AFAP1: variants seen among roughly 807,000 people sequenced by gnomAD.
AFAP1 encodes the protein actin filament-associated protein 1.
AFAP1 carries 75 observed loss-of-function variants against 93.9 expected under a neutral mutation model. That is an observed-to-expected ratio of 0.80 (90% CI 0.66 to 0.97). The LOEUF is 0.97. AFAP1 is among the 50% of genes least tolerant of loss of function. The probability of loss-of-function intolerance (pLI) is 0.00; values close to 1 mark genes in which losing one functional copy is unlikely to be tolerated. For missense variants in AFAP1, 1,201 were observed against 1,050.8 expected, an observed-to-expected ratio of 1.14 and a Z score of -1.98; for synonymous variants, 517 against 430.7, an observed-to-expected ratio of 1.20 and a Z score of -2.48.
At chr4:7,843,718 G>A (rs1429884694) in intron 4 of AFAP1, 2 of 196,752 alleles carry the variant, frequency 1.0e-5, no homozygotes, top group Non-Finnish European at 2.1e-5. Context: ...GCCCATGGAG[G>A]TCCCTTGCCC....
At chr4:7,859,280 G>T (rs865951628) in intron 3 of AFAP1, among the ~76,000 whole-genome samples, 1 of 152,070 alleles carries the variant, frequency 6.6e-6, no homozygotes, top group Non-Finnish European at 1.5e-5. Flanking sequence ...TTAGCCGAGT[G>T]TGGTGGTGGG....
intron 17 of AFAP1, among the ~76,000 whole-genome samples, chr4:7,764,674 T>C (rs1577165892): frequency 6.6e-6 from 1 of 152,258 alleles, no homozygotes; most frequent in African/African-American, 2.4e-5. Context: ...TGGCTGCAGA[T>C]GGCTGTGGTC....
Position 7,794,362 on chromosome 4 carries a change from T to C in AFAP1, c.1267-536A>G, listed in dbSNP as rs546794914. 1.5e-4 allele frequency among the ~76,000 whole-genome samples: 23 copies of C among 152,372 alleles called. 1 individual carries two copies. Among genetic ancestry groups the C allele is most frequent in the South Asian group, 8.3e-4 (4 of 4,834 alleles). On this transcript the variant is annotated intron_variant, in intron 10 of 17. Coordinates refer to ENST00000420658, the MANE Select transcript of AFAP1 (RefSeq NM_001134647.2). ...AAAAAGTAATTTCCTTTGATATCAA[T>C]TGTGTTTCCACAGGGGAAATGACAC...
chr4:7,759,490 G>A lies in AFAP1; in HGVS notation c.*4275C>T, dbSNP rs1713478308. The A allele has an allele frequency of 1.3e-5, 2 of 152,658 alleles. No homozygotes were observed. Among genetic ancestry groups the A allele is most frequent in the Admixed American group, 6.5e-5 (1 of 15,284 alleles). The allele number at this position is 152,658 out of a possible 1,614,324, so 9.5% of individuals were successfully genotyped here. A position where few individuals can be genotyped will look rare whatever the true frequency, so the allele number is the denominator to read the frequency against. ...GTGCTGTGCCACGTATTTACGGCAG[G>A]AACGTTTTGGTTTCATTTTAGTTTA... On this transcript the variant is annotated 3_prime_UTR_variant, in exon 18 of 18. Transcript: ENST00000420658.
At chr4:7,840,778 T>A (rs911112611) in intron 5 of AFAP1, among the ~76,000 whole-genome samples, 1 of 152,182 alleles carries the variant, frequency 6.6e-6, no homozygotes, top group Non-Finnish European at 1.5e-5. Flanking sequence ...TGAGTATGTA[T>A]AAAAAGAAAG....
At chr4:7,918,804 T>C (rs545118195) in intron 1 of AFAP1, among the ~76,000 whole-genome samples, 52 of 45,560 alleles carry the variant, frequency 1.1e-3, no homozygotes, top group Admixed American at 2.5e-3. Context: ...AACAGGGCTG[T>C]TGGAAGAGAC....
chr4:7,876,796 CAA>C (rs1717539058), intron 1 of AFAP1, among the ~76,000 whole-genome samples: 1 of 152,154 alleles, frequency 6.6e-6, no homozygotes, highest in Non-Finnish European at 1.5e-5. Context: ...AAACTGTAAC[CAA>C]AAGATTCTCA....
chr4:7,764,806 C>A (rs1714325153), intron 17 of AFAP1, among the ~76,000 whole-genome samples: 1 of 152,088 alleles, frequency 6.6e-6, no homozygotes, highest in African/African-American at 2.4e-5. Flanking sequence ...ACCCCCACTT[C>A]ATAAGTGAAG....
intron 1 of AFAP1, among the ~76,000 whole-genome samples, chr4:7,904,817 G>A (rs567622004): frequency 2.0e-5 from 3 of 152,104 alleles, no homozygotes; most frequent in South Asian, 4.1e-4. Context: ...AGAGATTCTC[G>A]CACCTCAGCC....
At chr4:7,887,831 A>AT (rs34450871) in intron 1 of AFAP1, among the ~76,000 whole-genome samples, 16,995 of 148,444 alleles carry the variant, frequency 0.11, 1,092 homozygotes, top group Non-Finnish European at 0.16. Flanking sequence ...ATAAAGAACA[A>AT]TTTTTTTTTT....
At chr4:7,881,838 T>C (rs1027515893) in intron 1 of AFAP1, among the ~76,000 whole-genome samples, 1 of 151,808 alleles carries the variant, frequency 6.6e-6, no homozygotes, top group African/African-American at 2.4e-5. Context: ...TAAACCTGGA[T>C]CCACATCCCA....
intron 3 of AFAP1, among the ~76,000 whole-genome samples, chr4:7,856,002 C>T (rs937394627): frequency 1.3e-5 from 2 of 152,200 alleles, no homozygotes; most frequent in South Asian, 4.1e-4. Flanking sequence ...GACTCCATGG[C>T]CCTGCCACAG....
intron 1 of AFAP1, among the ~76,000 whole-genome samples, chr4:7,873,342 CTTTTTTTTT>C (rs1158765422): frequency 2.0e-5 from 1 of 50,998 alleles, no homozygotes; most frequent in Non-Finnish European, 3.5e-5. Context: ...GAAGACACAC[CTTTTTTTTT>C]TTTTTTTTTT....
At chr4:7,922,858 C>T (rs757065022) in intron 1 of AFAP1, among the ~76,000 whole-genome samples, 84 of 152,240 alleles carry the variant, frequency 5.5e-4, no homozygotes, top group Admixed American at 2.8e-3. Context: ...GGTAGCACAC[C>T]TGTAGTCCCA....
intron 3 of AFAP1, among the ~76,000 whole-genome samples, chr4:7,856,811 A>C (rs1246731357): frequency 6.6e-6 from 1 of 152,180 alleles, no homozygotes; most frequent in Non-Finnish European, 1.5e-5. Context: ...AGTGGCAGGA[A>C]AGCCAGCATT....
intron 6 of AFAP1, 51 bp from the exon 7 acceptor site, chr4:7,819,222 A>C: frequency 1.3e-6 from 2 of 1,518,200 alleles, no homozygotes; most frequent in Non-Finnish European, 9.0e-7. Flanking sequence ...AGAGATACTT[A>C]AAGGCTTGAA....
chr4:7,918,245 C>G, intron 1 of AFAP1, among the ~76,000 whole-genome samples: 1 of 147,402 alleles, frequency 6.8e-6, no homozygotes, highest in Non-Finnish European at 1.5e-5. Flanking sequence ...GCCCAGGTCA[C>G]CAGGAAACAG....
chr4:7,844,810 A>T (rs1713497799), intron 4 of AFAP1, among the ~76,000 whole-genome samples: 1 of 152,266 alleles, frequency 6.6e-6, no homozygotes, highest in Admixed American at 6.5e-5. Flanking sequence ...TCCCTGAGAC[A>T]GGATCTGATT....
intron 17 of AFAP1, among the ~76,000 whole-genome samples, chr4:7,766,261 T>G (rs999761392): frequency 6.6e-6 from 1 of 152,126 alleles, no homozygotes; most frequent in Non-Finnish European, 1.5e-5. Flanking sequence ...CTGGGACAGC[T>G]ATGTGGGCCG....
Sources: allele counts gnomAD v4.1 joint callset (sites outside exome capture counted in the v4.1 genomes callset), GRCh38; gene constraint gnomAD v4.1.1; transcripts MANE v1.5; gene names NCBI Gene and HGNC (gene_info 2026-07-23, HGNC 2026-07-21).